OTOA: variants seen among roughly 807,000 people sequenced by gnomAD.
OTOA encodes the protein cancer/testis antigen 108.
In OTOA, 70 loss-of-function variants were observed where a neutral mutation model predicts 110.8. The ratio of observed to expected loss-of-function variants is 0.63; its 90% CI spans 0.52 to 0.77. The LOEUF (loss-of-function observed/expected upper bound fraction) is 0.77, where lower values mean the gene tolerates loss of function less well. Among genes scored for constraint, OTOA ranks in the 30% least tolerant of loss-of-function variants. The pLI, the probability that OTOA is intolerant of heterozygous loss-of-function variation, is 0.00. For missense variants in OTOA, 917 were observed against 1,075.8 expected, an observed-to-expected ratio of 0.85 and a Z score of 2.06; for synonymous variants, 373 against 431.5, an observed-to-expected ratio of 0.86 and a Z score of 1.68.
intron 10 of OTOA, among the ~76,000 whole-genome samples, chr16:21,698,973 T>C (rs551782947): frequency 9.5e-4 from 145 of 152,264 alleles, no homozygotes; most frequent in African/African-American, 3.3e-3. Context: ...ATTTATGAAA[T>C]GGAGTCTCGT....
At position 21,728,429 on chromosome 16, in the gene OTOA, T is replaced by C. The variant is rs1898999483; in HGVS notation, c.2205T>C (p.Tyr735=). 3 of 1,613,830 alleles carry C rather than the reference T, an allele frequency of 1.9e-6. No homozygotes were observed. Among genetic ancestry groups the C allele is most frequent in the Non-Finnish European group, 2.5e-6 (3 of 1,179,912 alleles). The part of the protein sequence containing the change: ...AAVRLKLLGQ[Y]GLPQHWTAET... Reference sequence around the variant, plus strand: ...TGAGGCTCAAGCTCCTGGGACAGTATGGGTGAGGAGCGGCTGGGTTTGGCT... The same window carrying C: ...TGAGGCTCAAGCTCCTGGGACAGTACGGGTGAGGAGCGGCTGGGTTTGGCT... Residue 735 remains tyrosine, a splice_region_variant and synonymous_variant, in exon 20 of 29, where the codon TAT becomes TAC. Coordinates refer to ENST00000646100, the MANE Select transcript of OTOA (RefSeq NM_144672.4).
At chr16:21,713,284 T>TAA (rs1898415600) in intron 13 of OTOA, among the ~76,000 whole-genome samples, 1 of 152,138 alleles carries the variant, frequency 6.6e-6, no homozygotes, top group South Asian at 2.1e-4. Context: ...TTCTTCAAGT[T>TAA]TTTAAAGCTG....
chr16:21,726,969 C>T (rs11642780), intron 19 of OTOA: 2 of 363,906 alleles, frequency 5.5e-6, no homozygotes, highest in African/African-American at 2.2e-5. Flanking sequence ...GAGCCTCAGT[C>T]TTCTCATCTG....
rs374837859 is a variant in OTOA at position 21,722,882 on chromosome 16, C to T, written c.1807-23C>T. The T allele has an allele frequency of 1.7e-5, 28 of 1,609,610 alleles. No individual in the cohort carries two copies. In the African/African-American group the frequency reaches 1.9e-4, roughly 11 times the overall value. ...GTTCTTCTTCTTACTGCATTAAATC[C>T]CCAGAACTGCTTAATCTTTCAGGTT... is the stretch of plus-strand genomic sequence containing the variant. On this transcript the variant is annotated intron_variant, in intron 17 of 28. Coordinates refer to ENST00000646100, the MANE Select transcript of OTOA (RefSeq NM_144672.4).
intron 1 of OTOA, among the ~76,000 whole-genome samples, chr16:21,664,847 C>T (rs985948493): frequency 1.3e-5 from 2 of 152,010 alleles, no homozygotes; most frequent in African/African-American, 4.8e-5. Context: ...TGGCGGGCGC[C>T]TGTAATCTCA....
intron 15 of OTOA, 129 bp from the exon 16 acceptor site, chr16:21,719,004 C>G: frequency 1.1e-6 from 1 of 917,318 alleles, no homozygotes; most frequent in Non-Finnish European, 1.8e-6. Flanking sequence ...AGGTAACTCA[C>G]ATAGCCTGTT....
intron 8 of OTOA, among the ~76,000 whole-genome samples, chr16:21,689,083 C>T (rs911610337): frequency 2.0e-5 from 3 of 152,060 alleles, no homozygotes; most frequent in Non-Finnish European, 2.9e-5. Context: ...AAACCAAATT[C>T]GAGGATTGTG....
At chr16:21,676,168 C>T (rs894163707) in intron 1 of OTOA, among the ~76,000 whole-genome samples, 4 of 152,196 alleles carry the variant, frequency 2.6e-5, no homozygotes, top group Non-Finnish European at 5.9e-5. Flanking sequence ...ATTCACCTTC[C>T]TTGGCCTCCC....
At chr16:21,688,727 G>A (rs754829607) in intron 8 of OTOA, among the ~76,000 whole-genome samples, 2 of 151,966 alleles carry the variant, frequency 1.3e-5, no homozygotes, top group African/African-American at 2.4e-5. Context: ...TTTTATAAGG[G>A]CACTAATCCC....
chr16:21,707,592 C>A lies in OTOA; in HGVS notation c.1105-2296C>A, dbSNP rs1054636540. Among the ~76,000 whole-genome samples the A allele has an allele frequency of 1.9e-5, 2 of 107,282 alleles. 1 individual carries two copies. The highest frequency in any genetic ancestry group is 3.9e-5 in the Non-Finnish European group (2 of 51,246). 70.4% of individuals were successfully genotyped at this position (107,282 alleles called of 152,430 possible). A position where few individuals can be genotyped will look rare whatever the true frequency, so the allele number is the denominator to read the frequency against. On this transcript the variant is annotated intron_variant, in intron 12 of 28. Coordinates refer to ENST00000646100, the MANE Select transcript of OTOA (RefSeq NM_144672.4). ...TCCCTCCCTACCTTCCTTCTCCTTC[C>A]TTTTCTTTCTTTCTTTCTTTCTTTC...
intron 1 of OTOA, among the ~76,000 whole-genome samples, chr16:21,673,943 G>C (rs879424767): frequency 6.6e-6 from 1 of 151,476 alleles, no homozygotes; most frequent in South Asian, 2.1e-4. Context: ...GACTACAGGC[G>C]CCCACCACCA....
chr16:21,687,316 C>A, intron 7 of OTOA, 97 bp from the exon 8 acceptor site: 1 of 973,132 alleles, frequency 1.0e-6, no homozygotes, highest in Admixed American at 1.7e-5. Context: ...AAACAGTGAT[C>A]CTGACTTTCC....
intron 17 of OTOA, among the ~76,000 whole-genome samples, chr16:21,722,097 CAAA>C (rs71379629): frequency 7.8e-6 from 1 of 127,730 alleles, no homozygotes. Context: ...ACTAAAAATA[CAAA>C]AAAAAAAAAA....
In OTOA at chr16:21,752,367, A is replaced by T. The variant is rs1899855653; in HGVS notation, c.2919-2A>T. On this transcript the variant is annotated splice_acceptor_variant, in intron 25 of 28. Transcript: ENST00000646100. LOFTEE classifies it high-confidence loss of function. ...TATCCCTCCCTCTTTAACCACTACC[A>T]GGGTGGTAGTGGCCAGAATTGGGAC... The T allele has an allele frequency of 3.8e-6, 2 of 532,780 alleles. 1 individual carries two copies. Among genetic ancestry groups the T allele is most frequent in the Non-Finnish European group, 7.3e-6 (2 of 275,278 alleles). 33.0% of individuals were successfully genotyped at this position (532,780 alleles called of 1,614,324 possible).
intron 21 of OTOA, 52 bp from the exon 22 acceptor site, chr16:21,736,209 T>C: frequency 1.3e-6 from 2 of 1,534,110 alleles, no homozygotes; most frequent in Non-Finnish European, 1.8e-6. Context: ...TTTCAATCTG[T>C]ATTTAAGGGG....
At chr16:21,716,728 T>C (rs1266028056) in intron 14 of OTOA, among the ~76,000 whole-genome samples, 179 bp from the exon 15 acceptor site, 1 of 152,094 alleles carries the variant, frequency 6.6e-6, no homozygotes, top group Non-Finnish European at 1.5e-5. Context: ...GACTTTCAAC[T>C]CATCACACTT....
chr16:21,736,757 G>A (rs919670135), intron 22 of OTOA, among the ~76,000 whole-genome samples: 1 of 152,204 alleles, frequency 6.6e-6, no homozygotes, highest in Non-Finnish European at 1.5e-5. Context: ...CTTGAACCCA[G>A]GAGGTGAAGG....
intron 9 of OTOA, among the ~76,000 whole-genome samples, chr16:21,692,613 G>A (rs1192500402): frequency 3.3e-5 from 5 of 151,792 alleles, no homozygotes; most frequent in Admixed American, 6.6e-5. Context: ...ACTTACTCCC[G>A]CTCAACTCTA....
chr16:21,707,593 T>TTTTCTTTCTTTCTTTC lies in OTOA; in HGVS notation c.1105-2245_1105-2230dup, dbSNP rs58214995. Reference sequence around the variant, plus strand: ...CCCTCCCTACCTTCCTTCTCCTTCCTTTTCTTTCTTTCTTTCTTTCTTTCT... The same window carrying TTTTCTTTCTTTCTTTC: ...CCCTCCCTACCTTCCTTCTCCTTCCTTTTCTTTCTTTCTTTCTTTCTTTCTTTCTTTCTTTCTTTCT... On this transcript the variant is annotated intron_variant, in intron 12 of 28. Transcript: ENST00000646100. Among the ~76,000 whole-genome samples the TTTTCTTTCTTTCTTTC allele has an allele frequency of 2.9e-3, 271 of 94,104 alleles. 2 individuals carry two copies. The highest frequency in any genetic ancestry group is 0.011 in the East Asian group (33 of 2,928). 61.7% of individuals were successfully genotyped at this position (94,104 alleles called of 152,430 possible).
Sources: allele counts gnomAD v4.1 joint callset (sites outside exome capture counted in the v4.1 genomes callset), GRCh38; gene constraint gnomAD v4.1.1; transcripts MANE v1.5; gene names NCBI Gene and HGNC (gene_info 2026-07-23, HGNC 2026-07-21).